HS3ST4: variants seen among roughly 807,000 people sequenced by gnomAD.
HS3ST4 encodes the protein heparan sulfate-glucosamine 3-sulfotransferase 4.
Under a neutral mutation model 29.2 loss-of-function variants are expected in HS3ST4, and 17 were observed. The ratio of observed to expected loss-of-function variants is 0.58; its 90% CI spans 0.40 to 0.87. The LOEUF (loss-of-function observed/expected upper bound fraction) is 0.87, where lower values mean the gene tolerates loss of function less well. HS3ST4 is among the 40% of genes least tolerant of loss of function. The probability of loss-of-function intolerance (pLI) is 0.00; values close to 1 mark genes in which losing one functional copy is unlikely to be tolerated. For missense variants in HS3ST4, 627 were observed against 634.5 expected (o/e 0.99, Z 0.13); for synonymous variants, 314 against 285.7 (o/e 1.10, Z -1.00).
chr16:25,979,895 C>G (rs563456848), intron 1 of HS3ST4, among the ~76,000 whole-genome samples: 3 of 152,280 alleles, frequency 2.0e-5, no homozygotes, highest in Non-Finnish European at 4.4e-5. Flanking sequence ...CCCTGCTATG[C>G]GAATCATAAA....
At chr16:25,987,343 C>G (rs563893396) in intron 1 of HS3ST4, among the ~76,000 whole-genome samples, 1 of 150,174 alleles carries the variant, frequency 6.7e-6, no homozygotes, top group South Asian at 2.1e-4. Flanking sequence ...GAGCAAAACT[C>G]CAACTCAAAA....
At chr16:25,904,775 G>A (rs1029990917) in intron 1 of HS3ST4, among the ~76,000 whole-genome samples, 8 of 152,086 alleles carry the variant, frequency 5.3e-5, no homozygotes, top group Admixed American at 1.3e-4. Context: ...GCCACACCTC[G>A]TTCCTGTATA....
At chr16:25,897,122 C>A (rs941288757) in intron 1 of HS3ST4, among the ~76,000 whole-genome samples, 1 of 152,128 alleles carries the variant, frequency 6.6e-6, no homozygotes, top group Non-Finnish European at 1.5e-5. Context: ...TTGTAGCACA[C>A]CTGCACATGT....
At chr16:25,693,786 GCATGA>G (rs1966274184) in intron 1 of HS3ST4, among the ~76,000 whole-genome samples, 1 of 152,180 alleles carries the variant, frequency 6.6e-6, no homozygotes, top group Non-Finnish European at 1.5e-5. Context: ...CTCAATGTCT[GCATGA>G]CAGTTGGTGC....
intron 1 of HS3ST4, among the ~76,000 whole-genome samples, chr16:25,721,157 G>A (rs140765287): frequency 2.0e-5 from 3 of 152,206 alleles, no homozygotes; most frequent in African/African-American, 7.2e-5. Context: ...AGAGTGTTTG[G>A]GCATAAGGAA....
At chr16:25,762,332 C>G (rs143263201) in intron 1 of HS3ST4, among the ~76,000 whole-genome samples, 58 of 152,274 alleles carry the variant, frequency 3.8e-4, no homozygotes, top group African/African-American at 1.3e-3. Context: ...AGCCCATACT[C>G]ATCTTCAAAG....
At chr16:25,711,489 G>A (rs1410314027) in intron 1 of HS3ST4, among the ~76,000 whole-genome samples, 1 of 152,154 alleles carries the variant, frequency 6.6e-6, no homozygotes, top group African/African-American at 2.4e-5. Context: ...TGCCTTGGTG[G>A]TGTGGTGGCC....
At position 25,872,034 on chromosome 16, in the gene HS3ST4, A is replaced by C. The variant is rs530495734; in HGVS notation, c.734+178883A>C. On this transcript the variant is annotated intron_variant, in intron 1 of 1. Coordinates refer to ENST00000331351, the MANE Select transcript of HS3ST4 (RefSeq NM_006040.3). Reference sequence around the variant, plus strand: ...ATTCCAGCTCCTGATACAACCACTTAGCCATGTAGGGGGAGGACCCCTATC... The same window carrying C: ...ATTCCAGCTCCTGATACAACCACTTCGCCATGTAGGGGGAGGACCCCTATC... Among the ~76,000 whole-genome samples the C allele has an allele frequency of 3.3e-5, 5 of 152,278 alleles. No individual in the cohort carries two copies. The South Asian group carries it at 1.0e-3, about 32-fold the overall frequency.
intron 1 of HS3ST4, among the ~76,000 whole-genome samples, chr16:26,048,524 C>G (rs530758269): frequency 6.6e-6 from 1 of 152,296 alleles, no homozygotes; most frequent in East Asian, 1.9e-4. Context: ...CATTCAACAA[C>G]ATTGAATCCT....
chr16:25,898,004 G>A (rs771666198), intron 1 of HS3ST4, among the ~76,000 whole-genome samples: 4 of 152,158 alleles, frequency 2.6e-5, no homozygotes, highest in Non-Finnish European at 5.9e-5. Context: ...GTAGATCCGC[G>A]CAGGCGAGCC....
chr16:25,813,311 G>T (rs76115809), intron 1 of HS3ST4, among the ~76,000 whole-genome samples: 2,858 of 152,278 alleles, frequency 0.019, 101 homozygotes, highest in African/African-American at 0.065. Context: ...GTTAGGATGT[G>T]GAGCAACTGG....
intron 1 of HS3ST4, among the ~76,000 whole-genome samples, chr16:25,712,064 C>A (rs1966419125): frequency 6.6e-6 from 1 of 152,144 alleles, no homozygotes; most frequent in Non-Finnish European, 1.5e-5. Flanking sequence ...CCTGTAACAT[C>A]ATTTAACACT....
intron 1 of HS3ST4, among the ~76,000 whole-genome samples, chr16:26,122,253 C>T (rs1899286692): frequency 6.7e-6 from 1 of 150,188 alleles, no homozygotes; most frequent in Non-Finnish European, 1.5e-5. Flanking sequence ...ACCTTTCAAA[C>T]ATGTAGATTC....
intron 1 of HS3ST4, among the ~76,000 whole-genome samples, chr16:26,120,073 G>GTGTGTGTA (rs1555485140): frequency 0.01 from 1,033 of 102,608 alleles, 8 homozygotes; most frequent in African/African-American, 0.033. Flanking sequence ...GTGTGTGTAT[G>GTGTGTGTA]TGTGTGTGTG....
chr16:26,019,511 A>C (rs1969391683), intron 1 of HS3ST4, among the ~76,000 whole-genome samples: 1 of 151,018 alleles, frequency 6.6e-6, no homozygotes, highest in Non-Finnish European at 1.5e-5. Flanking sequence ...GAGGGCAATC[A>C]GAGTAAGAGG....
intron 1 of HS3ST4, among the ~76,000 whole-genome samples, chr16:26,022,537 T>C (rs1478286822): frequency 6.6e-6 from 1 of 152,136 alleles, no homozygotes; most frequent in Non-Finnish European, 1.5e-5. Context: ...TCTACCTTTG[T>C]AGCATGAAAG....
chr16:25,913,141 G>T (rs1368724849), intron 1 of HS3ST4, among the ~76,000 whole-genome samples: 1 of 152,230 alleles, frequency 6.6e-6, no homozygotes, highest in Non-Finnish European at 1.5e-5. Flanking sequence ...TTCTGATGGG[G>T]TTGGTCCAGG....
At position 25,920,373 on chromosome 16, in the gene HS3ST4, G is replaced by C. The variant is rs183770774; in HGVS notation, c.735-215239G>C. Among the ~76,000 whole-genome samples the C allele has an allele frequency of 9.3e-4, 142 of 152,098 alleles. No individual in the cohort carries two copies. In the Middle Eastern group the frequency reaches 0.01, roughly 11 times the overall value. The stretch of plus-strand genomic sequence containing the variant: ...CGTACTCATTATCATACCCTACGGG[G>C]CCCTCCATGATCTGCAACTCATTTT... On this transcript the variant is annotated intron_variant, in intron 1 of 1. Transcript: ENST00000331351.
At chr16:26,087,042 T>G (rs544126497) in intron 1 of HS3ST4, among the ~76,000 whole-genome samples, 1 of 152,356 alleles carries the variant, frequency 6.6e-6, no homozygotes, top group South Asian at 2.1e-4. Flanking sequence ...TTTCCAAGGC[T>G]TTCATGCAGA....
Sources: gnomAD v4.1 joint callset for allele counts (sites outside exome capture counted in the v4.1 genomes callset) on GRCh38, gnomAD v4.1.1 for gene constraint, MANE v1.5 for transcripts, NCBI Gene and HGNC (gene_info 2026-07-23, HGNC 2026-07-21) for gene names.